The following SLC4A4 variants were observed in gnomAD, a reference collection of about 807,000 sequenced individuals.
SLC4A4 encodes the protein solute carrier family 4 member 4.
SLC4A4 carries 27 observed loss-of-function variants against 111.5 expected under a neutral mutation model. The ratio of observed to expected loss-of-function variants is 0.24; its 90% CI spans 0.18 to 0.33. SLC4A4 has a LOEUF of 0.33. Among genes scored for constraint, SLC4A4 ranks in the 10% least tolerant of loss-of-function variants. The probability of loss-of-function intolerance (pLI) is 1.00; values close to 1 mark genes in which losing one functional copy is unlikely to be tolerated. For missense variants in SLC4A4, 909 were observed against 1,315.5 expected (o/e 0.69, Z 4.78); for synonymous variants, 443 against 463.4 (o/e 0.96, Z 0.57).
intron 16 of SLC4A4, among the ~76,000 whole-genome samples, chr4:71,514,012 G>T (rs1578086882): frequency 6.6e-6 from 1 of 152,166 alleles, no homozygotes; most frequent in Non-Finnish European, 1.5e-5. Flanking sequence ...TTATCTTGTA[G>T]ATGTACTGTT....
intron 7 of SLC4A4, chr4:71,437,788 G>A (rs966138871): frequency 7.3e-6 from 2 of 272,984 alleles, no homozygotes; most frequent in South Asian, 4.2e-5. Context: ...CTTGGAAATG[G>A]GAGTGAAGGT....
intron 6 of SLC4A4, among the ~76,000 whole-genome samples, chr4:71,395,798 A>G (rs1281935690): frequency 6.6e-6 from 1 of 152,206 alleles, no homozygotes; most frequent in Non-Finnish European, 1.5e-5. Context: ...CAGTACTGCC[A>G]CTTACATATA....
At chr4:71,485,001 T>G (rs1729241191) in intron 14 of SLC4A4, among the ~76,000 whole-genome samples, 1 of 151,924 alleles carries the variant, frequency 6.6e-6, no homozygotes, top group Admixed American at 6.6e-5. Context: ...ATCCTGGGAC[T>G]TTGCTGAAGT....
intron 20 of SLC4A4, among the ~76,000 whole-genome samples, chr4:71,548,703 C>T (rs1735746966): frequency 1.3e-5 from 2 of 151,758 alleles, no homozygotes; most frequent in South Asian, 2.1e-4. Flanking sequence ...TTAAAATGCT[C>T]ATATAATTAC....
At position 71,466,527 on chromosome 4, in the gene SLC4A4, C is replaced by T; in HGVS notation, c.1581C>T (p.Ser527=). The T allele has an allele frequency of 6.2e-7, 1 of 1,613,620 alleles. No individual in the cohort carries two copies. ...CTGGTCAACCACTCACTATTCTGAG[C>T]AGCACCGGACCTGTCCTAGTTTTTG... is the stretch of plus-strand genomic sequence containing the variant. ...LFAGQPLTIL[S]STGPVLVFER... Residue 527 remains serine, a synonymous_variant, in exon 13 of 26, where the codon AGC becomes AGT. Transcript: ENST00000264485.
chr4:71,318,770 C>A (rs1726896240), intron 3 of SLC4A4, among the ~76,000 whole-genome samples: 1 of 150,438 alleles, frequency 6.6e-6, no homozygotes, highest in South Asian at 2.1e-4. Context: ...TTTATGTAAA[C>A]CAGTAATGGA....
intron 3 of SLC4A4, among the ~76,000 whole-genome samples, chr4:71,323,961 A>G (rs953612950): frequency 6.6e-6 from 1 of 151,834 alleles, no homozygotes; most frequent in Non-Finnish European, 1.5e-5. Context: ...GACTCTGATG[A>G]TGGTGTCTGT....
chr4:71,364,487 G>A (rs1731067210), intron 6 of SLC4A4, among the ~76,000 whole-genome samples: 1 of 152,140 alleles, frequency 6.6e-6, no homozygotes, highest in African/African-American at 2.4e-5. Flanking sequence ...CAATTCTGGA[G>A]GCTGGCAAGT....
chr4:71,373,924 A>C (rs1209944340), intron 6 of SLC4A4, among the ~76,000 whole-genome samples: 1 of 152,206 alleles, frequency 6.6e-6, no homozygotes, highest in East Asian at 1.9e-4. Context: ...GGAAGATCAT[A>C]GGAAACCATT....
At chr4:71,391,101 T>C (rs1719215569) in intron 6 of SLC4A4, among the ~76,000 whole-genome samples, 2 of 152,102 alleles carry the variant, frequency 1.3e-5, no homozygotes, top group South Asian at 4.1e-4. Context: ...ACATACATTA[T>C]TCTGAAATGA....
At chr4:71,471,925 G>A (rs1727908696) in intron 13 of SLC4A4, among the ~76,000 whole-genome samples, 1 of 151,912 alleles carries the variant, frequency 6.6e-6, no homozygotes, top group African/African-American at 2.4e-5. Context: ...CTGTGAGCAA[G>A]CTTCATAAGA....
intron 2 of SLC4A4, among the ~76,000 whole-genome samples, chr4:71,111,582 A>G (rs1203324230): frequency 3.4e-5 from 4 of 117,982 alleles, no homozygotes; most frequent in South Asian, 5.4e-4. Flanking sequence ...GGGTTTCACC[A>G]TGTTGGCCAG....
Position 71,083,511 on chromosome 4 carries a change from G to A in SLC4A4, c.-64-9219G>A, listed in dbSNP as rs1469224965. Reference sequence around the variant, plus strand: ...TTCTGATTATTAAGGTAAAACAGAAGCTGTCTTACCTTATTTGTCTCCAAT... The same window carrying A: ...TTCTGATTATTAAGGTAAAACAGAAACTGTCTTACCTTATTTGTCTCCAAT... On this transcript the variant is annotated intron_variant, in intron 1 of 26. Transcript: ENST00000649996. 2.0e-5 allele frequency among the ~76,000 whole-genome samples: 3 copies of A among 151,826 alleles called. 1 individual carries two copies. The highest frequency in any genetic ancestry group is 7.3e-5 in the African/African-American group (3 of 41,234).
chr4:71,219,960 G>A (rs1032245857), intron 1 of SLC4A4, among the ~76,000 whole-genome samples: 11 of 152,186 alleles, frequency 7.2e-5, no homozygotes, highest in Non-Finnish European at 1.5e-4. Flanking sequence ...TCTTGAGATC[G>A]AATCTGCTCC....
At chr4:71,160,639 A>T (rs1331536001) in intron 2 of SLC4A4, among the ~76,000 whole-genome samples, 1 of 151,308 alleles carries the variant, frequency 6.6e-6, no homozygotes, top group African/African-American at 2.4e-5. Context: ...TAGATGAGGG[A>T]TGAGGAAAGG....
Position 71,567,723 on chromosome 4 carries a change from A to G in SLC4A4, c.*37-65A>G, listed in dbSNP as rs1737617114. The G allele has an allele frequency of 3.8e-5, 28 of 743,758 alleles. No individual in the cohort carries two copies. The South Asian group carries it at 5.0e-4, about 13-fold the overall frequency. The allele number at this position is 743,758 out of a possible 1,614,324, so 46.1% of individuals were successfully genotyped here. ...ACATTTGACTTCTATACAATGCATA[A>G]ACATTTGACAGATGATGAAGGAAAT... On this transcript the variant is annotated intron_variant, in intron 25 of 25. Coordinates refer to ENST00000264485, the MANE Select transcript of SLC4A4 (RefSeq NM_001098484.3).
At chr4:71,504,674 G>A (rs1213929667) in intron 16 of SLC4A4, among the ~76,000 whole-genome samples, 1 of 113,906 alleles carries the variant, frequency 8.8e-6, no homozygotes, top group Non-Finnish European at 1.9e-5. Flanking sequence ...GGGGGGGGGG[G>A]TGTTATTATT....
intron 7 of SLC4A4, among the ~76,000 whole-genome samples, chr4:71,398,641 T>A (rs191243288): frequency 6.6e-6 from 1 of 152,298 alleles, no homozygotes; most frequent in East Asian, 1.9e-4. Context: ...CCTAAGACTG[T>A]TTCCCCAGGA....
chr4:71,346,705 G>A (rs895494440), intron 4 of SLC4A4, among the ~76,000 whole-genome samples: 2 of 151,984 alleles, frequency 1.3e-5, no homozygotes, highest in Admixed American at 6.6e-5. Context: ...CTTGATATGC[G>A]AGGAGGCTAG....
Sources: gnomAD v4.1 joint callset for allele counts (sites outside exome capture counted in the v4.1 genomes callset) on GRCh38, gnomAD v4.1.1 for gene constraint, MANE v1.5 for transcripts, NCBI Gene and HGNC (gene_info 2026-07-23, HGNC 2026-07-21) for gene names.